KASH5: variants seen among roughly 807,000 people sequenced by gnomAD.
KASH5 encodes protein KASH5.
Under a neutral mutation model 84.2 loss-of-function variants are expected in KASH5, and 72 were observed. The ratio of observed to expected loss-of-function variants is 0.85; its 90% CI spans 0.71 to 1.04. The LOEUF is 1.04. KASH5 is among the 50% of genes least tolerant of loss of function. The probability of loss-of-function intolerance (pLI) is 0.00; values close to 1 mark genes in which losing one functional copy is unlikely to be tolerated. For synonymous variants in KASH5, 260 were observed against 279.1 expected (o/e 0.93, Z 0.68); for missense variants, 650 against 701.0 (o/e 0.93, Z 0.82).
In KASH5 at chr19:49,407,619, G is replaced by T. The variant is rs761466065; in HGVS notation, c.941G>T (p.Arg314Leu). 10 of 1,597,076 alleles carry T rather than the reference G, an allele frequency of 6.3e-6. No homozygotes were observed. The South Asian group carries it at 1.1e-4, about 18-fold the overall frequency. Residue 314 changes from arginine to leucine, a missense_variant, in exon 12 of 20, where the codon CGC becomes CTC. Transcript: ENST00000447857. Reference sequence around the variant, plus strand: ...GGCTTTCGGCTTTCCTAGCGCACTCGCGATGTGGAGAGCCTGGCCCAGACC... The same window carrying T: ...GGCTTTCGGCTTTCCTAGCGCACTCTCGATGTGGAGAGCCTGGCCCAGACC... ...QRDTILSERT[R>L]DVESLAQTLE...
chr19:49,400,016 C>G (rs1005705417), intron 9 of KASH5, among the ~76,000 whole-genome samples: 20 of 152,192 alleles, frequency 1.3e-4, no homozygotes, highest in African/African-American at 4.6e-4. Context: ...ACCCCTTTAG[C>G]CTAGGAGTTC....
rs200687283 is a variant in KASH5 at position 49,390,905 on chromosome 19, G to A, written c.22G>A (p.Val8Met). The change falls in exon 2 of 20, where the codon GTG (valine) becomes ATG (methionine). Residue 8 changes from valine to methionine, a missense_variant. Transcript: ENST00000447857. Reference sequence around the variant, plus strand: ...GCCCATGGACCTGCCCGAGGGCCCGGTGGGTGGCCCCACTGCGGAAAGTAA... The same window carrying A: ...GCCCATGGACCTGCCCGAGGGCCCGATGGGTGGCCCCACTGCGGAAAGTAA... The part of the protein sequence containing the change: MDLPEGP[V>M]GGPTAEMYLR... 8.1e-6 allele frequency: 13 copies of A among 1,601,488 alleles called. No individual in the cohort carries two copies. The highest frequency in any genetic ancestry group is 1.0e-5 in the Non-Finnish European group (12 of 1,175,048).
Position 49,416,888 on chromosome 19 carries a change from A to C in KASH5, c.1375-127A>C, listed in dbSNP as rs1263581562. ...AGAAATGGGAACCCGACCTGGCAGC[A>C]GAAGTGCACTCACTTATCTCCTGAG... On this transcript the variant is annotated intron_variant, in intron 17 of 19. Transcript: ENST00000447857. This position sits in a 1 kb window ranked among gnomAD's most constrained non-coding sequence, Gnocchi z 5.4. 1.1e-5 allele frequency: 10 copies of C among 912,158 alleles called. 1 individual carries two copies. In the South Asian group the frequency reaches 1.2e-4, roughly 11 times the overall value. 56.5% of individuals were successfully genotyped at this position (912,158 alleles called of 1,614,324 possible).
chr19:49,395,772 A>G lies in KASH5; in HGVS notation c.339A>G (p.Gly113=). Residue 113 remains glycine, a synonymous_variant, in exon 5 of 20, where the codon GGA becomes GGG. Transcript: ENST00000447857. The surrounding 1 kb of genome is among the most constrained non-coding windows in gnomAD (Gnocchi z 4.4). ...AAGCCTCATCCCTTTGATACAGGGG[A>G]TTAGAGCTGGAAGAGGAGACCGCCT... The part of the protein sequence containing the change: ...DWIAACQLHG[G]LELEEETAFQ... 1 of 1,559,324 alleles carries G rather than the reference A, an allele frequency of 6.4e-7. No individual in the cohort carries two copies. Among genetic ancestry groups the G allele is most frequent in the Non-Finnish European group, 8.7e-7 (1 of 1,151,888 alleles).
Position 49,407,600 on chromosome 19 carries a change from C to T in KASH5, c.934-12C>T, listed in dbSNP as rs770669500. ...ACTGGTCCCAGTCTCATTTGGCTTT[C>T]GGCTTTCCTAGCGCACTCGCGATGT... is the stretch of plus-strand genomic sequence containing the variant. On this transcript the variant is annotated splice_polypyrimidine_tract_variant and intron_variant, in intron 11 of 19. Transcript: ENST00000447857. 9.5e-6 allele frequency: 15 copies of T among 1,582,420 alleles called. No individual in the cohort carries two copies. The highest frequency in any genetic ancestry group is 7.0e-5 in the East Asian group (3 of 42,980).
chr19:49,411,248 T>A (rs1166065542), intron 15 of KASH5, among the ~76,000 whole-genome samples: 1 of 148,976 alleles, frequency 6.7e-6, no homozygotes. Flanking sequence ...CTCTCTCTAT[T>A]TTTTTTTTTT....
Position 49,409,284 on chromosome 19 carries a change from G to A in KASH5, c.1146+1G>A. 6.2e-7 allele frequency: 1 copy of A among 1,613,454 alleles called. No individual in the cohort carries two copies. Among genetic ancestry groups the A allele is most frequent in the Non-Finnish European group, 8.5e-7 (1 of 1,179,750 alleles). On this transcript the variant is annotated splice_donor_variant, in intron 14 of 19. Transcript: ENST00000447857. LOFTEE classifies it high-confidence loss of function. ...CTTGGAGATCGAGGCCATTCGACAGGTGGGCCTAACACCCCTGGAATAAGC... is the reference window on the plus strand; with the variant it reads ...CTTGGAGATCGAGGCCATTCGACAGATGGGCCTAACACCCCTGGAATAAGC...
rs1417313741 is a variant in KASH5, at chr19:49,417,031, C to G, written c.1391C>G (p.Pro464Arg). The G allele has an allele frequency of 6.3e-7, 1 of 1,591,514 alleles. No homozygotes were observed. The highest frequency in any genetic ancestry group is 1.8e-5 in the Admixed American group (1 of 56,756). The change falls in exon 18 of 20, where the codon CCT becomes CGT. Residue 464 changes from proline to arginine, a missense_variant. Transcript: ENST00000447857. This position sits in a 1 kb window ranked among gnomAD's most constrained non-coding sequence, Gnocchi z 5.2. ...ESQVTADLPV[P>R]LGAPRPGDIP... The stretch of plus-strand genomic sequence containing the variant: ...TCCTTGCAGGCTGATCTCCCTGTCC[C>G]TCTAGGAGCCCCTCGCCCTGGAGAC...
chr19:49,397,464 C>G (rs1974218433), intron 5 of KASH5, among the ~76,000 whole-genome samples, 187 bp from the exon 6 acceptor site: 1 of 152,090 alleles, frequency 6.6e-6, no homozygotes, highest in African/African-American at 2.4e-5. Flanking sequence ...GAGATCCAGC[C>G]TGAGCTCAAG....
intron 2 of KASH5, 51 bp from the exon 3 acceptor site, chr19:49,394,425 C>A: frequency 6.8e-7 from 1 of 1,477,504 alleles, no homozygotes; most frequent in East Asian, 2.3e-5. Context: ...GGTCACCCCT[C>A]TTCCTTCCTT....
At position 49,416,429 on chromosome 19, in the gene KASH5, G is replaced by A. The variant is rs1373772326; in HGVS notation, c.1375-586G>A. The stretch of plus-strand genomic sequence containing the variant: ...GTTGGTCTCCATGTCCTGACCTTGT[G>A]ATCCGCCCGCTTCAGCCTCCCAAAG... On this transcript the variant is annotated intron_variant, in intron 17 of 19. Coordinates refer to ENST00000447857, the MANE Select transcript of KASH5 (RefSeq NM_144688.5). This position sits in a 1 kb window ranked among gnomAD's most constrained non-coding sequence, Gnocchi z 5.4. Among the ~76,000 whole-genome samples, 1 of 152,152 alleles carries A rather than the reference G, an allele frequency of 6.6e-6. No homozygotes were observed. Among genetic ancestry groups the A allele is most frequent in the Non-Finnish European group, 1.5e-5 (1 of 68,032 alleles).
intron 15 of KASH5, among the ~76,000 whole-genome samples, chr19:49,410,261 T>G (rs1389053174): frequency 6.6e-6 from 1 of 152,226 alleles, no homozygotes; most frequent in Non-Finnish European, 1.5e-5. Context: ...TTTCAAATGT[T>G]AGCACCTTTA....
At position 49,417,445 on chromosome 19, in the gene KASH5, G is replaced by C; in HGVS notation, c.1624G>C (p.Gly542Arg). Residue 542 changes from glycine to arginine, a missense_variant, in exon 20 of 20, where the codon GGC (glycine) becomes CGC (arginine). Coordinates refer to ENST00000447857, the MANE Select transcript of KASH5 (RefSeq NM_144688.5). This position sits in a 1 kb window ranked among gnomAD's most constrained non-coding sequence, Gnocchi z 5.2. ...LLLLLSVLLL[G>R]PSPPPTWPHL... ...GCTGCTGCTCTCTGTCCTGCTGCTT[G>C]GCCCGTCCCCACCTCCCACCTGGCC... 4 of 1,555,338 alleles carry C rather than the reference G, an allele frequency of 2.6e-6. No homozygotes were observed. The highest frequency in any genetic ancestry group is 3.5e-6 in the Non-Finnish European group (4 of 1,149,642).
intron 9 of KASH5, among the ~76,000 whole-genome samples, chr19:49,400,005 G>A (rs1025726181): frequency 6.6e-6 from 1 of 152,134 alleles, no homozygotes; most frequent in Non-Finnish European, 1.5e-5. Flanking sequence ...TAGCTGGGTG[G>A]ACCCCTTTAG....
intron 17 of KASH5, 133 bp downstream of exon 17, chr19:49,415,129 A>G: frequency 1.2e-6 from 1 of 864,632 alleles, no homozygotes; most frequent in East Asian, 2.7e-5. Flanking sequence ...TCATTTGGCC[A>G]AGAGATAACA....
chr19:49,408,951 A>G lies in KASH5; in HGVS notation c.994-16A>G, dbSNP rs750782272. 7 of 1,569,226 alleles carry G rather than the reference A, an allele frequency of 4.5e-6. No homozygotes were observed. The highest frequency in any genetic ancestry group is 6.0e-6 in the Non-Finnish European group (7 of 1,157,238). On this transcript the variant is annotated splice_polypyrimidine_tract_variant and intron_variant, in intron 12 of 19. Transcript: ENST00000447857. ...AAATGCAGAGCCAAATGTGCTCCCC[A>G]CTTCCTCCTTTGCAGGAACTGAGGC...
Position 49,407,758 on chromosome 19 carries a change from C to T in KASH5, c.993+87C>T, listed in dbSNP as rs924309524. On this transcript the variant is annotated intron_variant, in intron 12 of 19. Transcript: ENST00000447857. ...GACTTGCTGCCTCTCCTCCTCGTGC[C>T]TCTTTGTCAGTGGCCACATCTTGCT... is the stretch of plus-strand genomic sequence containing the variant. The T allele has an allele frequency of 2.2e-6, 3 of 1,365,258 alleles. No homozygotes were observed. The African/African-American group carries it at 4.3e-5, about 20-fold the overall frequency. The allele number at this position is 1,365,258 out of a possible 1,614,324, so 84.6% of individuals were successfully genotyped here. A position where few individuals can be genotyped will look rare whatever the true frequency, so the allele number is the denominator to read the frequency against.
chr19:49,415,484 G>A (rs80057768), intron 17 of KASH5: 6,492 of 212,940 alleles, frequency 0.03, 205 homozygotes, highest in African/African-American at 0.094. Flanking sequence ...AGGCAAGGAC[G>A]GGGAAAGAAA....
intron 1 of KASH5, among the ~76,000 whole-genome samples, chr19:49,390,555 A>G (rs1973968443): frequency 6.6e-6 from 1 of 152,122 alleles, no homozygotes; most frequent in Admixed American, 6.5e-5. Flanking sequence ...CCATGTGAAG[A>G]AAGGGAGGCA....
Sources: allele counts gnomAD v4.1 joint callset (sites outside exome capture counted in the v4.1 genomes callset), GRCh38; gene constraint gnomAD v4.1.1; non-coding constraint Gnocchi (gnomAD v3.1); transcripts MANE v1.5; gene names NCBI Gene and HGNC (gene_info 2026-07-23, HGNC 2026-07-21).